BNC2: variants seen among roughly 807,000 people sequenced by gnomAD.
BNC2 encodes zinc finger protein basonuclin-2.
In BNC2, 20 loss-of-function variants were observed where a neutral mutation model predicts 76.3. The ratio of observed to expected loss-of-function variants is 0.26; its 90% CI spans 0.18 to 0.38. The LOEUF is 0.38. BNC2 is among the 10% of genes least tolerant of loss of function. BNC2 has a pLI of 1.00. For synonymous variants in BNC2, 582 were observed against 514.8 expected, an observed-to-expected ratio of 1.13 and a Z score of -1.77; for missense variants, 1,382 against 1,399.8, an observed-to-expected ratio of 0.99 and a Z score of 0.20.
chr9:16,720,490 A>G (rs1824124343), intron 3 of BNC2, among the ~76,000 whole-genome samples: 2 of 152,342 alleles, frequency 1.3e-5, no homozygotes, highest in South Asian at 4.1e-4. Context: ...CATAAACCCT[A>G]AAGACAGTAG....
chr9:16,766,332 C>G (rs56306148), intron 1 of BNC2, among the ~76,000 whole-genome samples: 7,406 of 152,090 alleles, frequency 0.049, 570 homozygotes, highest in East Asian at 0.4. Flanking sequence ...TGAGGGGAAT[C>G]CTCATTCTGC....
chr9:16,845,410 C>T (rs539344751), intron 1 of BNC2, among the ~76,000 whole-genome samples: 1 of 152,210 alleles, frequency 6.6e-6, no homozygotes, highest in Admixed American at 6.5e-5. Flanking sequence ...AAAGAAACCA[C>T]GGTAGTTGGG....
chr9:16,630,308 A>G (rs1020585335), intron 3 of BNC2, among the ~76,000 whole-genome samples: 30 of 152,246 alleles, frequency 2.0e-4, no homozygotes, highest in Non-Finnish European at 2.9e-5. Context: ...TAAATTACAC[A>G]GTAAAATCTA....
chr9:16,586,742 G>C (rs1819782938), intron 3 of BNC2, among the ~76,000 whole-genome samples: 2 of 152,162 alleles, frequency 1.3e-5, no homozygotes, highest in Non-Finnish European at 2.9e-5. Context: ...GTGGAGCCAG[G>C]CACTGCCTCT....
At chr9:16,657,848 TG>T (rs1821975297) in intron 3 of BNC2, among the ~76,000 whole-genome samples, 1 of 152,164 alleles carries the variant, frequency 6.6e-6, no homozygotes. Context: ...GCATAATTTG[TG>T]GGGGCTACTT....
intron 3 of BNC2, among the ~76,000 whole-genome samples, chr9:16,628,191 C>A (rs1821051993): frequency 6.6e-6 from 1 of 152,124 alleles, no homozygotes; most frequent in South Asian, 2.1e-4. Flanking sequence ...GGCAGTGGGA[C>A]CAGCTTAGAA....
In BNC2 at chr9:16,791,008, G is replaced by A. The variant is rs148349858; in HGVS notation, c.4-52523C>T. ...AACACGACTACATGCTTTGCTGTCC[G>A]CTGATGAACAAAATAACAGGAAGTG... On this transcript the variant is annotated intron_variant, in intron 1 of 6. Coordinates refer to ENST00000380672, the MANE Select transcript of BNC2 (RefSeq NM_017637.6). 5.3e-5 allele frequency among the ~76,000 whole-genome samples: 8 copies of A among 152,066 alleles called. No homozygotes were observed. In the East Asian group the frequency reaches 5.8e-4, roughly 11 times the overall value.
intron 1 of BNC2, among the ~76,000 whole-genome samples, chr9:16,773,367 CCT>C (rs1491309365): frequency 2.0e-5 from 3 of 151,970 alleles, no homozygotes; most frequent in Non-Finnish European, 4.4e-5. Context: ...CCTTTTTTCC[CCT>C]CTCTCTTTCA....
intron 4 of BNC2, among the ~76,000 whole-genome samples, chr9:16,561,208 C>G (rs7861455): frequency 2.6e-5 from 4 of 151,170 alleles, no homozygotes; most frequent in African/African-American, 9.8e-5. Context: ...TATTGCACTC[C>G]GCCTGGGCAA....
rs1354794841 is a variant in BNC2 at position 16,727,967 on chromosome 9, T to G, written c.160A>C (p.Arg54=). ...SEEAEVDVRE[R]ETQRDREPKR... Reference sequence around the variant, plus strand: ...GGCTCTCTGTCTCTCTGTGTCTCTCTTTCTCTCACATCCACTTCTGCCTCT... The same window carrying G: ...GGCTCTCTGTCTCTCTGTGTCTCTCGTTCTCTCACATCCACTTCTGCCTCT... Residue 54 remains arginine, a synonymous_variant, in exon 3 of 7, where the codon AGA becomes CGA. Coordinates refer to ENST00000380672, the MANE Select transcript of BNC2 (RefSeq NM_017637.6). 1.2e-6 allele frequency: 2 copies of G among 1,613,940 alleles called. No homozygotes were observed. The highest frequency in any genetic ancestry group is 2.7e-5 in the African/African-American group (2 of 74,884).
intron 5 of BNC2, among the ~76,000 whole-genome samples, chr9:16,519,891 A>G (rs902961832): frequency 1.3e-5 from 2 of 152,234 alleles, no homozygotes; most frequent in Admixed American, 6.5e-5. Flanking sequence ...GTTATGTTCC[A>G]GTGGAGGACA....
chr9:16,690,614 G>GAC (rs1823130378), intron 3 of BNC2, among the ~76,000 whole-genome samples: 5 of 151,948 alleles, frequency 3.3e-5, no homozygotes, highest in Admixed American at 1.3e-4. Context: ...TTGTTATAGA[G>GAC]TCAGATAAGG....
intron 3 of BNC2, among the ~76,000 whole-genome samples, chr9:16,638,947 T>C (rs1188897509): frequency 1.3e-5 from 2 of 152,134 alleles, no homozygotes; most frequent in Non-Finnish European, 2.9e-5. Flanking sequence ...TAGAAAGTAA[T>C]AATGTCTAGC....
At chr9:16,817,952 GGTTCATAAGCATT>G (rs2135916923) in intron 1 of BNC2, among the ~76,000 whole-genome samples, 1 of 152,204 alleles carries the variant, frequency 6.6e-6, no homozygotes, top group African/African-American at 2.4e-5. Flanking sequence ...ATGCAAGCAT[GGTTCATAAGCATT>G]GTTTGTGTTG....
At chr9:16,541,017 C>G (rs1587147960) in intron 5 of BNC2, among the ~76,000 whole-genome samples, 1 of 152,202 alleles carries the variant, frequency 6.6e-6, no homozygotes, top group Non-Finnish European at 1.5e-5. Flanking sequence ...TCCCAGAAGA[C>G]AGGGCCATCC....
chr9:16,794,213 T>C (rs1817587740), intron 1 of BNC2, among the ~76,000 whole-genome samples: 1 of 152,274 alleles, frequency 6.6e-6, no homozygotes, highest in Non-Finnish European at 1.5e-5. Context: ...CAAGCAGTGA[T>C]GTGTTTTTTA....
chr9:16,557,614 A>G (rs1468881528), intron 4 of BNC2, among the ~76,000 whole-genome samples: 1 of 152,130 alleles, frequency 6.6e-6, no homozygotes, highest in Non-Finnish European at 1.5e-5. Flanking sequence ...CATGGGTCAG[A>G]GAACATCCAA....
At chr9:16,782,454 A>C (rs1268627596) in intron 1 of BNC2, among the ~76,000 whole-genome samples, 1 of 152,104 alleles carries the variant, frequency 6.6e-6, no homozygotes, top group Non-Finnish European at 1.5e-5. Context: ...TGAGAGTTCT[A>C]GTTATTTGAG....
At chr9:16,560,555 A>T (rs1818979867) in intron 4 of BNC2, among the ~76,000 whole-genome samples, 1 of 152,042 alleles carries the variant, frequency 6.6e-6, no homozygotes, top group Non-Finnish European at 1.5e-5. Flanking sequence ...ACAAAAAAAA[A>T]ATAAAAAATT....
Sources: gnomAD v4.1 joint callset for allele counts (sites outside exome capture counted in the v4.1 genomes callset) on GRCh38, gnomAD v4.1.1 for gene constraint, MANE v1.5 for transcripts, NCBI Gene and HGNC (gene_info 2026-07-23, HGNC 2026-07-21) for gene names.